Variants in EPHA6 observed in about 807,000 individuals in gnomAD.
EPHA6 encodes EPH receptor A6, also known as ephrin type-A receptor 6.
Under a neutral mutation model 112.0 loss-of-function variants are expected in EPHA6, and 50 were observed. The observed-to-expected ratio is 0.45, with a 90% CI of 0.36 to 0.56. The LOEUF is 0.56. EPHA6 is among the 20% of genes least tolerant of loss of function. The probability of loss-of-function intolerance (pLI) is 0.00; values close to 1 mark genes in which losing one functional copy is unlikely to be tolerated. For missense variants in EPHA6, 1,280 were observed against 1,417.4 expected, an observed-to-expected ratio of 0.90 and a Z score of 1.56; for synonymous variants, 529 against 490.7, an observed-to-expected ratio of 1.08 and a Z score of -1.03.
At position 97,735,933 on chromosome 3, in the gene EPHA6, G is replaced by C; in HGVS notation, c.2943G>C (p.Leu981=). The change falls in exon 16 of 18, where the codon CTG becomes CTC. Residue 981 remains leucine, a synonymous_variant. Transcript: ENST00000389672. The part of the protein sequence containing the change: ...YWEMSNQDVI[L]SIEEGYRLPA... ...TATATGTTTGCATTTAGGTCATTCT[G>C]TCCATTGAAGAAGGGTACAGACTTC... The C allele has an allele frequency of 6.2e-7, 1 of 1,606,558 alleles. No individual in the cohort carries two copies. Among genetic ancestry groups the C allele is most frequent in the East Asian group, 2.2e-5 (1 of 44,728 alleles).
chr3:97,370,490 A>G (rs1352853429), intron 5 of EPHA6, among the ~76,000 whole-genome samples: 1 of 152,154 alleles, frequency 6.6e-6, no homozygotes, highest in Non-Finnish European at 1.5e-5. Flanking sequence ...TTTATAATAT[A>G]CACACCATGT....
intron 14 of EPHA6, among the ~76,000 whole-genome samples, chr3:97,685,079 G>A (rs891089228): frequency 9.9e-5 from 15 of 151,990 alleles, no homozygotes; most frequent in Non-Finnish European, 1.6e-4. Flanking sequence ...AAATTTGATA[G>A]GTTTTCCCAA....
chr3:97,701,194 A>C (rs142848063), intron 14 of EPHA6, among the ~76,000 whole-genome samples: 8 of 152,346 alleles, frequency 5.3e-5, no homozygotes, highest in African/African-American at 1.9e-4. Flanking sequence ...ACAAATGTCC[A>C]TATATGAGAA....
chr3:97,059,840 G>A (rs577214897), intron 3 of EPHA6, among the ~76,000 whole-genome samples: 4 of 151,886 alleles, frequency 2.6e-5, no homozygotes, highest in Non-Finnish European at 5.9e-5. Flanking sequence ...GCTAATGGCT[G>A]GGCGCAGTGG....
chr3:97,596,533 G>A (rs1325482895), intron 12 of EPHA6, among the ~76,000 whole-genome samples: 1 of 151,666 alleles, frequency 6.6e-6, no homozygotes, highest in Non-Finnish European at 1.5e-5. Flanking sequence ...TCACTTCTCA[G>A]CAATAACTAT....
At chr3:97,085,948 T>TATATATATATAC (rs984404779) in intron 3 of EPHA6, among the ~76,000 whole-genome samples, 21 of 145,154 alleles carry the variant, frequency 1.4e-4, no homozygotes, top group African/African-American at 5.0e-4. Context: ...TATATATATA[T>TATATATATATAC]ACACACTGAG....
At chr3:97,418,997 A>G (rs1435913189) in intron 6 of EPHA6, among the ~76,000 whole-genome samples, 1 of 152,188 alleles carries the variant, frequency 6.6e-6, no homozygotes, top group Non-Finnish European at 1.5e-5. Context: ...TTAATGAACT[A>G]AGTATCTTAC....
Position 97,441,126 on chromosome 3 carries a change from A to G in EPHA6, c.1732-7442A>G, listed in dbSNP as rs544363843. 3.5e-4 allele frequency among the ~76,000 whole-genome samples: 54 copies of G among 152,118 alleles called. No homozygotes were observed. The South Asian group carries it at 4.1e-3, about 12-fold the overall frequency. ...GTTTCACAATCCGTTCTCTAAATAT[A>G]GTATAACCCAAATATCGTGAGATTG... On this transcript the variant is annotated intron_variant, in intron 6 of 17. Coordinates refer to ENST00000389672, the MANE Select transcript of EPHA6 (RefSeq NM_001080448.3).
chr3:97,305,772 A>C (rs1338756010), intron 5 of EPHA6, among the ~76,000 whole-genome samples: 1 of 151,910 alleles, frequency 6.6e-6, no homozygotes, highest in African/African-American at 2.4e-5. Context: ...GTGGGGTTTA[A>C]TACCTAGGTG....
intron 9 of EPHA6, 103 bp downstream of exon 9, chr3:97,479,467 A>G (rs2091469394): frequency 1.5e-6 from 1 of 680,928 alleles, no homozygotes; most frequent in South Asian, 3.7e-5. Context: ...GAAAAAAAAA[A>G]TCACTTCCAA....
intron 6 of EPHA6, among the ~76,000 whole-genome samples, chr3:97,438,863 C>G (rs2089990441): frequency 6.6e-6 from 1 of 152,142 alleles, no homozygotes; most frequent in African/African-American, 2.4e-5. Flanking sequence ...TAGGTATAAC[C>G]TTTCCAGTTT....
At chr3:97,135,387 C>T (rs184510407) in intron 3 of EPHA6, among the ~76,000 whole-genome samples, 1 of 152,066 alleles carries the variant, frequency 6.6e-6, no homozygotes, top group Admixed American at 6.6e-5. Flanking sequence ...TTTCTTTGAA[C>T]CATCTCCATC....
At chr3:96,854,144 G>GAT (rs1289657983) in intron 1 of EPHA6, among the ~76,000 whole-genome samples, 1 of 148,536 alleles carries the variant, frequency 6.7e-6, no homozygotes, top group Admixed American at 6.7e-5. Flanking sequence ...TCTAAAAAAA[G>GAT]ATATATAGAA....
At chr3:97,533,679 A>G (rs1044465540) in intron 11 of EPHA6, among the ~76,000 whole-genome samples, 5 of 152,018 alleles carry the variant, frequency 3.3e-5, no homozygotes, top group Non-Finnish European at 5.9e-5. Context: ...GGCATCTTAC[A>G]TGTTTGTACG....
chr3:97,584,759 C>G (rs771111633), intron 11 of EPHA6, among the ~76,000 whole-genome samples: 2 of 152,098 alleles, frequency 1.3e-5, no homozygotes, highest in Non-Finnish European at 2.9e-5. Flanking sequence ...ATGAAATGGT[C>G]TCCATGAAGG....
intron 7 of EPHA6, among the ~76,000 whole-genome samples, chr3:97,456,600 A>G (rs2090695041): frequency 1.3e-5 from 2 of 152,052 alleles, no homozygotes; most frequent in South Asian, 4.1e-4. Flanking sequence ...TTAGTATTTT[A>G]TTTTTGTTTA....
At chr3:97,496,445 G>A (rs910072474) in intron 10 of EPHA6, among the ~76,000 whole-genome samples, 2 of 152,142 alleles carry the variant, frequency 1.3e-5, no homozygotes, top group Non-Finnish European at 2.9e-5. Context: ...AAGATTTAAA[G>A]AGATTAAGTT....
intron 5 of EPHA6, among the ~76,000 whole-genome samples, chr3:97,258,789 C>T (rs901776189): frequency 6.6e-6 from 1 of 152,154 alleles, no homozygotes; most frequent in Non-Finnish European, 1.5e-5. Flanking sequence ...GATTCTGCAT[C>T]TACAAAATAA....
chr3:97,358,105 CCT>C (rs1416318374), intron 5 of EPHA6, among the ~76,000 whole-genome samples: 9 of 152,038 alleles, frequency 5.9e-5, no homozygotes, highest in Admixed American at 5.9e-4. Context: ...GTCAACTGTA[CCT>C]CTGTCACTTT....
Sources: gnomAD v4.1 joint callset for allele counts (sites outside exome capture counted in the v4.1 genomes callset) on GRCh38, gnomAD v4.1.1 for gene constraint, MANE v1.5 for transcripts, NCBI Gene and HGNC (gene_info 2026-07-23, HGNC 2026-07-21) for gene names.